Variants in UQCRB observed in about 807,000 individuals in gnomAD.
UQCRB encodes the protein ubiquinol-cytochrome c reductase binding protein, also known as cytochrome b-c1 complex subunit 7.
A neutral mutation model predicts 19.8 loss-of-function variants in UQCRB; 12 were observed. The ratio of observed to expected loss-of-function variants is 0.61; its 90% CI spans 0.39 to 0.98. The LOEUF is 0.98. Ranked by LOEUF, UQCRB falls within the 50% of genes least tolerant of loss-of-function variation. The pLI is 0.00. For missense variants in UQCRB, 142 were observed against 131.8 expected (o/e 1.08, Z -0.38); for synonymous variants, 39 against 42.9 (o/e 0.91, Z 0.35).
Position 96,229,828 on chromosome 8 carries a change from T to C in UQCRB, c.*1227A>G. 1 of 453,856 alleles carries C rather than the reference T, an allele frequency of 2.2e-6. No homozygotes were observed. The highest frequency in any genetic ancestry group is 4.4e-6 in the Non-Finnish European group (1 of 226,744). The allele number at this position is 453,856 out of a possible 1,614,324, so 28.1% of individuals were successfully genotyped here. On this transcript the variant is annotated 3_prime_UTR_variant, in exon 4 of 4. Coordinates refer to ENST00000287022, the MANE Select transcript of UQCRB (RefSeq NM_006294.5). ...TAAGAGGCTAATATTTTAGCAAAAA[T>C]TTAAAGATGCTCTTTATGATACACA...
At chr8:96,231,182 C>T (rs1563537474) in intron 3 of UQCRB, 50 bp from the exon 4 acceptor site, 1 of 1,613,838 alleles carries the variant, frequency 6.2e-7, no homozygotes. Context: ...CTGATATATC[C>T]CAAACACTCA....
chr8:96,224,866 C>G lies in UQCRB; in HGVS notation c.*6189G>C, dbSNP rs894905093. On this transcript the variant is annotated 3_prime_UTR_variant, in exon 4 of 4. Coordinates refer to ENST00000287022, the MANE Select transcript of UQCRB (RefSeq NM_006294.5). ...ACTTCTCAAAGCATGACCTCAGAGG[C>G]AAAACCACAGAGGAGAGGACTGAGA... is the stretch of plus-strand genomic sequence containing the variant. 6.6e-6 allele frequency among the ~76,000 whole-genome samples: 1 copy of G among 152,112 alleles called. No individual in the cohort carries two copies. The highest frequency in any genetic ancestry group is 2.4e-5 in the African/African-American group (1 of 41,406).
rs764327602 is a variant in UQCRB, at chr8:96,224,384, C to T, written c.*6671G>A. On this transcript the variant is annotated 3_prime_UTR_variant, in exon 4 of 4. Transcript: ENST00000287022. Reference sequence around the variant, plus strand: ...CTCATCTGCCCTCTCTTGCAGGTGGCCACCCTCCCCACACTGGCTGGCCAA... The same window carrying T: ...CTCATCTGCCCTCTCTTGCAGGTGGTCACCCTCCCCACACTGGCTGGCCAA... Among the ~76,000 whole-genome samples, 4 of 152,102 alleles carry T rather than the reference C, an allele frequency of 2.6e-5. No individual in the cohort carries two copies. Among genetic ancestry groups the T allele is most frequent in the African/African-American group, 4.8e-5 (2 of 41,408 alleles).
chr8:96,228,099 G>C lies in UQCRB; in HGVS notation c.*2956C>G. On this transcript the variant is annotated 3_prime_UTR_variant, in exon 4 of 4. Coordinates refer to ENST00000287022, the MANE Select transcript of UQCRB (RefSeq NM_006294.5). ...CAACAGGAAGGCCAAGTGATACTAG[G>C]TAGTGCACTACAACAGTGAACATAA... 2.2e-6 allele frequency: 1 copy of C among 454,086 alleles called. No individual in the cohort carries two copies. Among genetic ancestry groups the C allele is most frequent in the South Asian group, 1.6e-5 (1 of 64,476 alleles). The allele number at this position is 454,086 out of a possible 1,614,324, so 28.1% of individuals were successfully genotyped here. A position where few individuals can be genotyped will look rare whatever the true frequency, so the allele number is the denominator to read the frequency against.
intron 2 of UQCRB, 46 bp from the exon 3 acceptor site, chr8:96,231,986 G>A (rs766565491): frequency 4.7e-5 from 75 of 1,603,214 alleles, no homozygotes; most frequent in Middle Eastern, 1.6e-4. Context: ...CTCAAAAATC[G>A]CGGTTTTTTT....
chr8:96,231,991 T>A (rs756035969), intron 2 of UQCRB, 51 bp from the exon 3 acceptor site: 5 of 1,582,760 alleles, frequency 3.2e-6, no homozygotes, highest in Admixed American at 3.3e-5. Context: ...AAATCGCGGT[T>A]TTTTTAAATT....
chr8:96,232,674 A>G (rs998925326), intron 2 of UQCRB: 3 of 163,862 alleles, frequency 1.8e-5, no homozygotes, highest in African/African-American at 7.2e-5. Context: ...TCTCTACTAC[A>G]TACAAAAAAA....
rs1380507824 is a variant in UQCRB, at chr8:96,231,862, T to C, written c.170A>G (p.Asn57Ser). The change falls in exon 3 of 4, where the codon AAT (asparagine) becomes AGT (serine). Residue 57 changes from asparagine to serine, a missense_variant. By Grantham distance (46) the Asn-to-Ser change is conservative. This residue lies in a region of UQCRB where 132 missense variants were observed against 107.5 expected (regional missense o/e 1.23). Transcript: ENST00000287022. ...AIRRLPENLYNDRMFRIKRAL... is the reference protein window; with the variant it reads ...AIRRLPENLYSDRMFRIKRAL... ...CCTCTTAATGCGAAACATCCTGTCATTATAAAGGTTCTCAGGAAGTCTTCT... is the reference window on the plus strand; with the variant it reads ...CCTCTTAATGCGAAACATCCTGTCACTATAAAGGTTCTCAGGAAGTCTTCT... 1 of 1,614,132 alleles carries C rather than the reference T, an allele frequency of 6.2e-7. No homozygotes were observed. Among genetic ancestry groups the C allele is most frequent in the South Asian group, 1.1e-5 (1 of 91,084 alleles).
Position 96,228,932 on chromosome 8 carries a change from G to A in UQCRB, c.*2123C>T. 1 of 454,044 alleles carries A rather than the reference G, an allele frequency of 2.2e-6. No homozygotes were observed. The highest frequency in any genetic ancestry group is 1.6e-5 in the South Asian group (1 of 64,472). The allele number at this position is 454,044 out of a possible 1,614,324, so 28.1% of individuals were successfully genotyped here. ...ACTCTCATGGTGATTTTCCACACAG[G>A]ACGGCTTTTGATAATAGAAAGGCCC... is the stretch of plus-strand genomic sequence containing the variant. On this transcript the variant is annotated 3_prime_UTR_variant, in exon 4 of 4. Coordinates refer to ENST00000287022, the MANE Select transcript of UQCRB (RefSeq NM_006294.5).
At position 96,225,156 on chromosome 8, in the gene UQCRB, G is replaced by C. The variant is rs947767011; in HGVS notation, c.*5899C>G. On this transcript the variant is annotated 3_prime_UTR_variant, in exon 4 of 4. Transcript: ENST00000287022. ...AAAAGGCTGTGAAAATTAAAAATAG[G>C]CCCATAGGTGAAGGACATGAACAAG... 6.6e-6 allele frequency among the ~76,000 whole-genome samples: 1 copy of C among 152,074 alleles called. No individual in the cohort carries two copies. The highest frequency in any genetic ancestry group is 2.4e-5 in the African/African-American group (1 of 41,418).
chr8:96,228,138 T>A lies in UQCRB; in HGVS notation c.*2917A>T, dbSNP rs955781263. The stretch of plus-strand genomic sequence containing the variant: ...CAGTGAACATAAGCCAGCCATCTGT[T>A]TTTTTGCAAAGTATAGTAAAACAAA... On this transcript the variant is annotated 3_prime_UTR_variant, in exon 4 of 4. Coordinates refer to ENST00000287022, the MANE Select transcript of UQCRB (RefSeq NM_006294.5). The A allele has an allele frequency of 4.4e-6, 2 of 454,138 alleles. No individual in the cohort carries two copies. The highest frequency in any genetic ancestry group is 4.7e-5 in the Admixed American group (2 of 42,576). The allele number at this position is 454,138 out of a possible 1,614,324, so 28.1% of individuals were successfully genotyped here.
At chr8:96,234,015 G>A (rs192625362) in intron 1 of UQCRB, 1 of 153,446 alleles carries the variant, frequency 6.5e-6, no homozygotes, top group East Asian at 1.9e-4. Flanking sequence ...AGTACAGCAG[G>A]ACCGTATCTG....
At position 96,235,502 on chromosome 8, in the gene UQCRB, A is replaced by G. The variant is rs760176241; in HGVS notation, c.19+10T>C. On this transcript the variant is annotated intron_variant, in intron 1 of 3. Transcript: ENST00000287022. Reference sequence around the variant, plus strand: ...GACGATGCCGGCCAAGAAGACCCCCAGTTACTTACCGGCCTGCTTACCAGC... The same window carrying G: ...GACGATGCCGGCCAAGAAGACCCCCGGTTACTTACCGGCCTGCTTACCAGC... 2.5e-6 allele frequency: 4 copies of G among 1,614,076 alleles called. No homozygotes were observed. The highest frequency in any genetic ancestry group is 2.2e-5 in the East Asian group (1 of 44,896).
chr8:96,231,266 GAACT>G (rs1809666353), intron 3 of UQCRB, 134 bp from the exon 4 acceptor site: 4 of 1,577,618 alleles, frequency 2.5e-6, no homozygotes, highest in Non-Finnish European at 3.4e-6. Flanking sequence ...CTCAACCTAA[GAACT>G]ATCTGCTTTT....
At chr8:96,234,472 G>T (rs1809753176) in intron 1 of UQCRB, 2 of 1,287,506 alleles carry the variant, frequency 1.6e-6, no homozygotes. Flanking sequence ...GTTGAGATCT[G>T]GTCTATGTAG....
chr8:96,227,746 C>G lies in UQCRB; in HGVS notation c.*3309G>C, dbSNP rs1438649480. 4.4e-6 allele frequency: 2 copies of G among 453,768 alleles called. No individual in the cohort carries two copies. The highest frequency in any genetic ancestry group is 8.8e-6 in the Non-Finnish European group (2 of 226,652). The allele number at this position is 453,768 out of a possible 1,614,324, so 28.1% of individuals were successfully genotyped here. ...TTTGGCCCAGTTTTTATTCTTACTG[C>G]TGAATCTTTTCATAAGTCAAAATTA... On this transcript the variant is annotated 3_prime_UTR_variant, in exon 4 of 4. Transcript: ENST00000287022.
rs1250156071 is a variant in UQCRB at position 96,229,456 on chromosome 8, C to G, written c.*1599G>C. 1 of 454,124 alleles carries G rather than the reference C, an allele frequency of 2.2e-6. No homozygotes were observed. Among genetic ancestry groups the G allele is most frequent in the East Asian group, 6.9e-5 (1 of 14,396 alleles). 28.1% of individuals were successfully genotyped at this position (454,124 alleles called of 1,614,324 possible). A position where few individuals can be genotyped will look rare whatever the true frequency, so the allele number is the denominator to read the frequency against. On this transcript the variant is annotated 3_prime_UTR_variant, in exon 4 of 4. Coordinates refer to ENST00000287022, the MANE Select transcript of UQCRB (RefSeq NM_006294.5). ...TTTGAGATGCCTCAGTTGTAGTCTC[C>G]TTGTAATTGTGCACAGTAGACGTCT...
rs565011449 is a variant in UQCRB, at chr8:96,225,323, A to G, written c.*5732T>C. ...TTTAATGAGAGCACTCAGTGCAGGC[A>G]GGAATGCAATAAAGGGACCCTCGTG... On this transcript the variant is annotated 3_prime_UTR_variant, in exon 4 of 4. Transcript: ENST00000287022. Among the ~76,000 whole-genome samples, 5 of 152,372 alleles carry G rather than the reference A, an allele frequency of 3.3e-5. No homozygotes were observed. Among genetic ancestry groups the G allele is most frequent in the African/African-American group, 9.6e-5 (4 of 41,592 alleles).
chr8:96,230,157 C>A lies in UQCRB; in HGVS notation c.*898G>T, dbSNP rs28643549. ...GTGGTGTGATCTAGGCTCACTGCAA[C>A]CTCCACCTCCTGGGGTCAAGCAATT... On this transcript the variant is annotated 3_prime_UTR_variant, in exon 4 of 4. Transcript: ENST00000287022. 2.2e-6 allele frequency: 1 copy of A among 453,624 alleles called. No homozygotes were observed. The highest frequency in any genetic ancestry group is 4.4e-6 in the Non-Finnish European group (1 of 226,482). 28.1% of individuals were successfully genotyped at this position (453,624 alleles called of 1,614,324 possible).
Sources: gnomAD v4.1 joint callset for allele counts (sites outside exome capture counted in the v4.1 genomes callset) on GRCh38, gnomAD v4.1.1 for gene constraint, gnomAD v4.1.1 regional missense constraint, MANE v1.5 for transcripts, NCBI Gene and HGNC (gene_info 2026-07-23, HGNC 2026-07-21) for gene names.